The following SLC9A9 variants were observed in gnomAD, a reference collection of about 807,000 sequenced individuals.
The protein encoded by SLC9A9 is sodium/hydrogen exchanger 9.
In SLC9A9, 62 loss-of-function variants were observed where a neutral mutation model predicts 77.8. That is an observed-to-expected ratio of 0.80 (90% confidence interval 0.65 to 0.98). The LOEUF (loss-of-function observed/expected upper bound fraction) is 0.98, where lower values mean the gene tolerates loss of function less well. SLC9A9 is among the 50% of genes least tolerant of loss of function. The pLI is 0.00. For missense variants in SLC9A9, 775 were observed against 774.9 expected, an observed-to-expected ratio of 1.00 and a Z score of 0.00; for synonymous variants, 320 against 283.5, an observed-to-expected ratio of 1.13 and a Z score of -1.29.
intron 14 of SLC9A9, among the ~76,000 whole-genome samples, chr3:143,296,750 A>T (rs2030286067): frequency 6.6e-6 from 1 of 152,034 alleles, no homozygotes; most frequent in Non-Finnish European, 1.5e-5. Flanking sequence ...GTGATATCTT[A>T]TTGTGGTTTT....
In SLC9A9 at chr3:143,512,560, T is replaced by C. The variant is rs546567737; in HGVS notation, c.1090-17112A>G. Among the ~76,000 whole-genome samples the C allele has an allele frequency of 7.9e-5, 12 of 152,362 alleles. 1 individual carries two copies. The highest frequency in any genetic ancestry group is 7.8e-4 in the Admixed American group (12 of 15,308). On this transcript the variant is annotated intron_variant, in intron 9 of 15. Coordinates refer to ENST00000316549, the MANE Select transcript of SLC9A9 (RefSeq NM_173653.4). ...TTACATGATACTGTAGTCTATTAAG[T>C]GTACAATACCGTTATGTCTAAAAAA...
chr3:143,707,612 T>C (rs768453032), intron 4 of SLC9A9, among the ~76,000 whole-genome samples: 1 of 152,236 alleles, frequency 6.6e-6, no homozygotes, highest in Non-Finnish European at 1.5e-5. Context: ...AATATCATAA[T>C]GAGATGAGCT....
At chr3:143,656,456 C>T (rs1159065109) in intron 5 of SLC9A9, among the ~76,000 whole-genome samples, 3 of 152,066 alleles carry the variant, frequency 2.0e-5, no homozygotes, top group Non-Finnish European at 2.9e-5. Flanking sequence ...AAACTGCTGT[C>T]TTTTCAGCTG....
intron 7 of SLC9A9, among the ~76,000 whole-genome samples, chr3:143,576,443 GGT>G (rs772091310): frequency 1.3e-5 from 2 of 152,004 alleles, no homozygotes; most frequent in Admixed American, 1.3e-4. Context: ...AGTTTCCTCG[GGT>G]GTAAGGTGAG....
At chr3:143,557,390 T>C (rs1026996971) in intron 8 of SLC9A9, among the ~76,000 whole-genome samples, 1 of 152,066 alleles carries the variant, frequency 6.6e-6, no homozygotes, top group Non-Finnish European at 1.5e-5. Context: ...GGGTGGGGTG[T>C]TTTTATAAGG....
chr3:143,731,813 C>T (rs1220893910), intron 4 of SLC9A9, among the ~76,000 whole-genome samples: 1 of 152,158 alleles, frequency 6.6e-6, no homozygotes, highest in Non-Finnish European at 1.5e-5. Flanking sequence ...ATCTTTGAGC[C>T]AAATCCTTCC....
intron 4 of SLC9A9, among the ~76,000 whole-genome samples, chr3:143,705,131 T>C (rs1933937439): frequency 6.6e-6 from 1 of 151,750 alleles, no homozygotes; most frequent in Non-Finnish European, 1.5e-5. Context: ...AATGAGATCC[T>C]GTCATTTGCA....
At chr3:143,494,344 G>A (rs563021227) in intron 10 of SLC9A9, among the ~76,000 whole-genome samples, 2 of 152,130 alleles carry the variant, frequency 1.3e-5, no homozygotes, top group Admixed American at 6.5e-5. Context: ...AAATATTGGC[G>A]CTCTTCATCT....
intron 2 of SLC9A9, among the ~76,000 whole-genome samples, chr3:143,829,121 G>C (rs1202106790): frequency 6.6e-6 from 1 of 152,144 alleles, no homozygotes; most frequent in Non-Finnish European, 1.5e-5. Context: ...TCTATGAAAT[G>C]ATGAGGTTCA....
intron 12 of SLC9A9, among the ~76,000 whole-genome samples, chr3:143,386,314 C>T (rs553422947): frequency 6.6e-6 from 1 of 152,260 alleles, no homozygotes; most frequent in East Asian, 1.9e-4. Flanking sequence ...TATACATCGG[C>T]CCTAGCTGGA....
intron 4 of SLC9A9, among the ~76,000 whole-genome samples, chr3:143,770,757 G>T (rs781065568): frequency 1.3e-5 from 2 of 151,958 alleles, no homozygotes; most frequent in African/African-American, 2.4e-5. Flanking sequence ...ATAAACAAAT[G>T]ACAAACCAGG....
intron 6 of SLC9A9, among the ~76,000 whole-genome samples, chr3:143,588,046 A>T (rs945018367): frequency 2.0e-5 from 3 of 152,230 alleles, no homozygotes; most frequent in African/African-American, 7.2e-5. Context: ...ACAGATTCCC[A>T]GCTTTATATT....
intron 6 of SLC9A9, among the ~76,000 whole-genome samples, chr3:143,637,953 A>G (rs1210911117): frequency 5.3e-5 from 8 of 152,242 alleles, no homozygotes. Context: ...CCAACTGCAT[A>G]CATGCATATA....
chr3:143,438,566 A>C (rs569379419), intron 12 of SLC9A9, among the ~76,000 whole-genome samples: 2 of 152,104 alleles, frequency 1.3e-5, no homozygotes, highest in East Asian at 3.9e-4. Flanking sequence ...TCATCTGGGG[A>C]GGTTTTTAAA....
At chr3:143,790,818 A>T (rs1187011734) in intron 4 of SLC9A9, among the ~76,000 whole-genome samples, 1 of 152,254 alleles carries the variant, frequency 6.6e-6, no homozygotes, top group African/African-American at 2.4e-5. Context: ...TTAATTCTCC[A>T]TTCCTGATCA....
intron 9 of SLC9A9, among the ~76,000 whole-genome samples, chr3:143,516,494 G>T (rs2036204639): frequency 6.6e-6 from 1 of 152,048 alleles, no homozygotes; most frequent in South Asian, 2.1e-4. Context: ...GGATATAAAT[G>T]CCTTAATTTC....
intron 4 of SLC9A9, among the ~76,000 whole-genome samples, chr3:143,748,939 A>G (rs1203214637): frequency 2.0e-5 from 3 of 151,176 alleles, no homozygotes; most frequent in Non-Finnish European, 4.4e-5. Flanking sequence ...TCCTGACTTC[A>G]TGATCCACCC....
At chr3:143,656,794 C>T (rs2038897511) in intron 5 of SLC9A9, among the ~76,000 whole-genome samples, 1 of 152,196 alleles carries the variant, frequency 6.6e-6, no homozygotes, top group Non-Finnish European at 1.5e-5. Context: ...GTCCATGACA[C>T]ACAGAGAATC....
intron 6 of SLC9A9, among the ~76,000 whole-genome samples, chr3:143,625,887 A>G (rs565230763): frequency 6.6e-6 from 1 of 152,360 alleles, no homozygotes; most frequent in South Asian, 2.1e-4. Context: ...GCTAATATCC[A>G]GAATCTACAA....
Sources: gnomAD v4.1 joint callset for allele counts (sites outside exome capture counted in the v4.1 genomes callset) on GRCh38, gnomAD v4.1.1 for gene constraint, MANE v1.5 for transcripts, NCBI Gene and HGNC (gene_info 2026-07-23, HGNC 2026-07-21) for gene names.